The following CFAP54 variants were observed in gnomAD, a reference collection of about 807,000 sequenced individuals.
CFAP54 encodes cilia and flagella associated protein 54.
In CFAP54, 290 loss-of-function variants were observed where a neutral mutation model predicts 370.4. The ratio of observed to expected loss-of-function variants is 0.78; its 90% CI spans 0.71 to 0.86. The LOEUF is 0.86. Ranked by LOEUF, CFAP54 falls within the 40% of genes least tolerant of loss-of-function variation. CFAP54 has a pLI of 0.00. For synonymous variants in CFAP54, 1,206 were observed against 1,236.5 expected (o/e 0.98, Z 0.52); for missense variants, 3,399 against 3,528.7 (o/e 0.96, Z 0.93).
rs114243294 is a variant in CFAP54 at position 96,757,875 on chromosome 12, T to C, written c.8040+287T>C. On this transcript the variant is annotated intron_variant, in intron 58 of 67. Transcript: ENST00000524981. ...TACTTAATATATAAATATACAGTTA[T>C]GTTTCATGGATAACATAAATGCAAG... is the stretch of plus-strand genomic sequence containing the variant. Among the ~76,000 whole-genome samples the C allele has an allele frequency of 6.5e-3, 986 of 152,342 alleles. 9 individuals are homozygous for C. The highest frequency in any genetic ancestry group is 0.022 in the African/African-American group (934 of 41,592).
chr12:96,751,872 G>A (rs1423006139), intron 55 of CFAP54, among the ~76,000 whole-genome samples: 1 of 152,050 alleles, frequency 6.6e-6, no homozygotes, highest in Non-Finnish European at 1.5e-5. Context: ...ATTTAGAAGG[G>A]CACCTCCTCA....
chr12:96,736,966 T>A (rs1462862796), intron 50 of CFAP54, among the ~76,000 whole-genome samples: 1 of 152,230 alleles, frequency 6.6e-6, no homozygotes, highest in African/African-American at 2.4e-5. Context: ...TCTTTCTAGC[T>A]GTGTGACTTG....
At chr12:96,701,635 T>G (rs1174393409) in intron 46 of CFAP54, among the ~76,000 whole-genome samples, 3 of 152,002 alleles carry the variant, frequency 2.0e-5, no homozygotes, top group Admixed American at 6.6e-5. Context: ...ATAAGCAAGT[T>G]TTGAGGGAAG....
At chr12:96,681,114 C>CCT (rs1491569515) in intron 40 of CFAP54, among the ~76,000 whole-genome samples, 1 of 97,860 alleles carries the variant, frequency 1.0e-5, no homozygotes, top group East Asian at 8.9e-4. Flanking sequence ...CAGAAAAGCA[C>CCT]CCCCCCACAC....
intron 60 of CFAP54, among the ~76,000 whole-genome samples, chr12:96,770,620 A>T (rs1485452632): frequency 6.6e-6 from 1 of 152,240 alleles, no homozygotes; most frequent in Non-Finnish European, 1.5e-5. Context: ...GGCCCAGGCC[A>T]TCAAGATTCA....
intron 11 of CFAP54, among the ~76,000 whole-genome samples, chr12:96,535,050 G>GTT (rs1235183940): frequency 7.5e-6 from 1 of 133,598 alleles, no homozygotes; most frequent in African/African-American, 2.8e-5. Flanking sequence ...GTGTGTGTGT[G>GTT]TGTTTATTTA....
chr12:96,799,960 G>C (rs1278880991), intron 63 of CFAP54, among the ~76,000 whole-genome samples: 1 of 152,066 alleles, frequency 6.6e-6, no homozygotes, highest in East Asian at 1.9e-4. Flanking sequence ...TTGGTCTTCA[G>C]CATACGTCAA....
chr12:96,753,552 G>T (rs140912618), intron 55 of CFAP54, among the ~76,000 whole-genome samples, 191 bp from the exon 56 acceptor site: 428 of 152,172 alleles, frequency 2.8e-3, no homozygotes, highest in Non-Finnish European at 4.7e-3. Context: ...ATTTCAAAGG[G>T]TTATTACTGT....
intron 50 of CFAP54, among the ~76,000 whole-genome samples, chr12:96,731,127 G>A (rs951311656): frequency 1.3e-5 from 2 of 152,102 alleles, no homozygotes; most frequent in Non-Finnish European, 2.9e-5. Context: ...GACTTCTGGC[G>A]CCTCACCATG....
chr12:96,533,707 TG>T, intron 9 of CFAP54, 84 bp from the exon 10 acceptor site: 1 of 1,019,882 alleles, frequency 9.8e-7, no homozygotes, highest in Non-Finnish European at 1.3e-6. Context: ...TGTGTTTTCC[TG>T]GTGCCTGAAA....
In CFAP54 at chr12:96,811,780, A is replaced by G. The variant is rs993727623; in HGVS notation, c.8895A>G (p.Ser2965=). Residue 2965 remains serine (S), a synonymous_variant, in exon 64 of 68, where the codon TCA becomes TCG. Transcript: ENST00000524981. ...ATAATTTGAAGCCTCTGAAGATTTC[A>G]GATGTTAGACATTCCACTTATAACA... The part of the protein sequence containing the change: ...YAYNLKPLKI[S]DVRHSTYNST... The G allele has an allele frequency of 3.9e-6, 6 of 1,525,480 alleles. No individual in the cohort carries two copies. Among genetic ancestry groups the G allele is most frequent in the Admixed American group, 2.0e-5 (1 of 48,866 alleles). The allele number at this position is 1,525,480 out of a possible 1,614,324, so 94.5% of individuals were successfully genotyped here.
chr12:96,824,634 G>C (rs370673919), intron 65 of CFAP54, among the ~76,000 whole-genome samples: 1 of 152,088 alleles, frequency 6.6e-6, no homozygotes, highest in African/African-American at 2.4e-5. Flanking sequence ...GAGGACACTG[G>C]TGTACCCTGA....
chr12:96,682,457 C>A (rs1427749705), intron 40 of CFAP54: 7 of 283,482 alleles, frequency 2.5e-5, no homozygotes, highest in Non-Finnish European at 3.7e-5. Flanking sequence ...GTGATCACAG[C>A]CTCAACCTTC....
At chr12:96,615,370 A>G (rs1417631109) in intron 26 of CFAP54, among the ~76,000 whole-genome samples, 1 of 152,246 alleles carries the variant, frequency 6.6e-6, no homozygotes, top group East Asian at 1.9e-4. Context: ...TTCAAGATGG[A>G]TTAAAGACTT....
intron 30 of CFAP54, among the ~76,000 whole-genome samples, chr12:96,628,962 G>T (rs1002285640): frequency 1.3e-5 from 2 of 152,022 alleles, no homozygotes; most frequent in Non-Finnish European, 2.9e-5. Flanking sequence ...GGAAAAATAG[G>T]CAAGTGTCAA....
Position 96,615,645 on chromosome 12 carries a change from A to C in CFAP54, c.3640-5945A>C, listed in dbSNP as rs541360854. ...AAGGGCTAATATCCGGAATCTACAA[A>C]GAACTCAAACAAATTTACAAGAAAA... On this transcript the variant is annotated intron_variant, in intron 26 of 67. Coordinates refer to ENST00000524981, the MANE Select transcript of CFAP54 (RefSeq NM_001306084.2). 6.6e-5 allele frequency among the ~76,000 whole-genome samples: 10 copies of C among 152,322 alleles called. No individual in the cohort carries two copies. The East Asian group carries it at 1.7e-3, about 26-fold the overall frequency.
chr12:96,825,361 A>G (rs1959079911), intron 65 of CFAP54, among the ~76,000 whole-genome samples: 1 of 121,898 alleles, frequency 8.2e-6, no homozygotes, highest in African/African-American at 3.2e-5. Flanking sequence ...ATGTTATATT[A>G]TATATTATGT....
chr12:96,788,871 G>A (rs61938370), intron 62 of CFAP54, among the ~76,000 whole-genome samples: 4 of 152,108 alleles, frequency 2.6e-5, no homozygotes, highest in Non-Finnish European at 4.4e-5. Context: ...TTTTTCAAAC[G>A]ACTTCCTCTC....
At chr12:96,610,121 A>G (rs1169665163) in intron 26 of CFAP54, among the ~76,000 whole-genome samples, 2 of 152,260 alleles carry the variant, frequency 1.3e-5, no homozygotes, top group East Asian at 3.8e-4. Flanking sequence ...GTTCGGTGCA[A>G]TAGAATAGAG....
Sources: gnomAD v4.1 joint callset for allele counts (sites outside exome capture counted in the v4.1 genomes callset) on GRCh38, gnomAD v4.1.1 for gene constraint, MANE v1.5 for transcripts, NCBI Gene and HGNC (gene_info 2026-07-23, HGNC 2026-07-21) for gene names.